REC114: variants seen among roughly 807,000 people sequenced by gnomAD.
The protein encoded by REC114 is meiotic recombination protein REC114.
In REC114, 27 loss-of-function variants were observed where a neutral mutation model predicts 31.3. The ratio of observed to expected loss-of-function variants is 0.86; its 90% CI spans 0.64 to 1.19. The LOEUF (loss-of-function observed/expected upper bound fraction) is 1.19. Ranked by LOEUF, REC114 falls within the 50% of genes most tolerant of loss-of-function variation. The pLI is 0.00. For missense variants in REC114, 344 were observed against 326.9 expected (o/e 1.05, Z -0.40); for synonymous variants, 134 against 127.7 (o/e 1.05, Z -0.33).
chr15:73,466,791 C>T (rs145805951), intron 1 of REC114, among the ~76,000 whole-genome samples: 5 of 152,310 alleles, frequency 3.3e-5, no homozygotes, highest in African/African-American at 9.6e-5. Context: ...ACACTTGCAA[C>T]AGTGTTTTAA....
rs796937668 is a variant in REC114 at position 73,461,926 on chromosome 15, T to TC, written c.160-11906_160-11905insC. ...TTTTCTTTTTCTTTTTCTTTTCTTTTTTTTTTTTTTTTTTTTTTTTTTAAA... is the reference window on the plus strand; with the variant it reads ...TTTTCTTTTTCTTTTTCTTTTCTTTTCTTTTTTTTTTTTTTTTTTTTTTAAA... On this transcript the variant is annotated intron_variant, in intron 1 of 5. Transcript: ENST00000331090. 7.6e-3 allele frequency among the ~76,000 whole-genome samples: 1,042 copies of TC among 137,694 alleles called. 29 individuals are homozygous for TC. The highest frequency in any genetic ancestry group is 0.026 in the African/African-American group (919 of 35,050). The allele number at this position is 137,694 out of a possible 152,430, so 90.3% of individuals were successfully genotyped here. A position where few individuals can be genotyped will look rare whatever the true frequency, so the allele number is the denominator to read the frequency against.
intron 2 of REC114, among the ~76,000 whole-genome samples, chr15:73,476,442 T>C (rs1893216170): frequency 6.6e-6 from 1 of 152,214 alleles, no homozygotes; most frequent in African/African-American, 2.4e-5. Context: ...CTGCTGTCAC[T>C]CTAGTTTTGC....
chr15:73,532,057 A>T lies in REC114; in HGVS notation c.250-8428A>T, dbSNP rs1472986746. Reference sequence around the variant, plus strand: ...GTGCAGGTTAGTTACATATGTATACATGTGCCATGCTGGTGAGCTGCACCC... The same window carrying T: ...GTGCAGGTTAGTTACATATGTATACTTGTGCCATGCTGGTGAGCTGCACCC... On this transcript the variant is annotated intron_variant, in intron 2 of 5. Coordinates refer to ENST00000331090, the MANE Select transcript of REC114 (RefSeq NM_001042367.2). Among the ~76,000 whole-genome samples, 3 of 149,440 alleles carry T rather than the reference A, an allele frequency of 2.0e-5. No homozygotes were observed. The South Asian group carries it at 6.3e-4, about 32-fold the overall frequency.
chr15:73,513,816 C>T (rs1195158838), intron 2 of REC114, among the ~76,000 whole-genome samples: 1 of 151,672 alleles, frequency 6.6e-6, no homozygotes, highest in East Asian at 2.0e-4. Context: ...AGATCTCCAG[C>T]TGCGTGCTGG....
intron 2 of REC114, among the ~76,000 whole-genome samples, chr15:73,523,924 C>T (rs1318018663): frequency 3.9e-5 from 6 of 152,016 alleles, no homozygotes; most frequent in Non-Finnish European, 8.8e-5. Flanking sequence ...TTTGATTGTC[C>T]CAGCACCATT....
intron 2 of REC114, among the ~76,000 whole-genome samples, chr15:73,528,332 A>T (rs2141323368): frequency 6.6e-6 from 1 of 152,338 alleles, no homozygotes; most frequent in Non-Finnish European, 1.5e-5. Flanking sequence ...TGCTAATATC[A>T]CAAAAAGAAT....
At chr15:73,447,329 T>C (rs907298147) in intron 1 of REC114, among the ~76,000 whole-genome samples, 1 of 152,172 alleles carries the variant, frequency 6.6e-6, no homozygotes, top group East Asian at 1.9e-4. Context: ...TTTATAGTCA[T>C]GGGATTAGGT....
chr15:73,488,058 G>A (rs1021962722), intron 2 of REC114, among the ~76,000 whole-genome samples: 8 of 152,170 alleles, frequency 5.3e-5, no homozygotes, highest in East Asian at 1.9e-4. Flanking sequence ...CTTAGTCACA[G>A]CTGGGGTGGT....
intron 2 of REC114, among the ~76,000 whole-genome samples, chr15:73,514,918 T>A (rs992052913): frequency 2.7e-5 from 4 of 150,886 alleles, no homozygotes; most frequent in Non-Finnish European, 4.4e-5. Context: ...ACTACTGCCT[T>A]TAACACTCTG....
intron 4 of REC114, among the ~76,000 whole-genome samples, 166 bp from the exon 5 acceptor site, chr15:73,556,132 CAAGT>C (rs1894462905): frequency 6.6e-6 from 1 of 152,222 alleles, no homozygotes; most frequent in Non-Finnish European, 1.5e-5. Context: ...TGTGGTAACT[CAAGT>C]AACCCTCCGT....
At chr15:73,535,701 A>G (rs1195338372) in intron 2 of REC114, among the ~76,000 whole-genome samples, 1 of 146,316 alleles carries the variant, frequency 6.8e-6, no homozygotes, top group Non-Finnish European at 1.5e-5. Flanking sequence ...GAACCAAAAA[A>G]GAGCCTGCAT....
At chr15:73,461,905 CTTTTTCTTTTTCTTTTCT>C (rs1567851927) in intron 1 of REC114, among the ~76,000 whole-genome samples, 8 of 78,258 alleles carry the variant, frequency 1.0e-4, no homozygotes, top group Non-Finnish European at 1.6e-4. Flanking sequence ...TAACATTTTT[CTTTTTCTTTTTCTTTTCT>C]TTTTTTTTTT....
chr15:73,452,776 A>C (rs1301203697), intron 1 of REC114, among the ~76,000 whole-genome samples: 2 of 152,224 alleles, frequency 1.3e-5, no homozygotes, highest in African/African-American at 4.8e-5. Flanking sequence ...TACTGGTACC[A>C]AAACAGATAT....
chr15:73,552,380 A>C (rs1411038555), intron 4 of REC114, among the ~76,000 whole-genome samples: 2 of 152,254 alleles, frequency 1.3e-5, no homozygotes, highest in Non-Finnish European at 2.9e-5. Context: ...TAAACTAGGT[A>C]GTAAAGAGAT....
intron 2 of REC114, among the ~76,000 whole-genome samples, chr15:73,514,401 C>T (rs567205687): frequency 6.6e-6 from 1 of 152,090 alleles, no homozygotes; most frequent in East Asian, 1.9e-4. Flanking sequence ...AATCACCCGT[C>T]TTCTGCGTCG....
chr15:73,553,105 G>A (rs1409292504), intron 4 of REC114, among the ~76,000 whole-genome samples: 1 of 152,114 alleles, frequency 6.6e-6, no homozygotes, highest in Non-Finnish European at 1.5e-5. Context: ...ATGAGCCACC[G>A]CACCCAGCTG....
chr15:73,540,722 C>T (rs1321030760), intron 3 of REC114, among the ~76,000 whole-genome samples, 154 bp downstream of exon 3: 9 of 151,998 alleles, frequency 5.9e-5, no homozygotes, highest in Non-Finnish European at 1.2e-4. Context: ...AAACAAGGAC[C>T]GTAGAGAGGC....
intron 2 of REC114, among the ~76,000 whole-genome samples, chr15:73,514,923 ACT>A (rs1399045119): frequency 6.9e-6 from 1 of 145,504 alleles, no homozygotes; most frequent in South Asian, 2.2e-4. Flanking sequence ...TGCCTTTAAC[ACT>A]CTGATTTTTT....
chr15:73,448,223 G>A (rs1249523233), intron 1 of REC114, among the ~76,000 whole-genome samples: 1 of 152,144 alleles, frequency 6.6e-6, no homozygotes, highest in Non-Finnish European at 1.5e-5. Flanking sequence ...CACCCCAACA[G>A]AGCCCAGCAA....
Sources: allele counts gnomAD v4.1 joint callset (sites outside exome capture counted in the v4.1 genomes callset), GRCh38; gene constraint gnomAD v4.1.1; transcripts MANE v1.5; gene names NCBI Gene and HGNC (gene_info 2026-07-23, HGNC 2026-07-21).